Variants in TMPRSS11A observed in about 807,000 individuals in gnomAD.
TMPRSS11A encodes the protein transmembrane serine protease 11A.
Under a neutral mutation model 58.9 loss-of-function variants are expected in TMPRSS11A, and 53 were observed. The ratio of observed to expected loss-of-function variants is 0.90; its 90% confidence interval spans 0.72 to 1.13. TMPRSS11A has a LOEUF of 1.13. Ranked by LOEUF, TMPRSS11A falls within the 50% of genes most tolerant of loss-of-function variation. The probability of loss-of-function intolerance (pLI) is 0.00; values close to 1 mark genes in which losing one functional copy is unlikely to be tolerated. For synonymous variants in TMPRSS11A, 167 were observed against 169.8 expected (o/e 0.98, Z 0.13); for missense variants, 493 against 499.3 (o/e 0.99, Z 0.12).
At chr4:67,960,419 C>A (rs534074617) in intron 1 of TMPRSS11A, among the ~76,000 whole-genome samples, 138 of 152,276 alleles carry the variant, frequency 9.1e-4, no homozygotes, top group African/African-American at 2.8e-3. Context: ...GAAATTCCAG[C>A]TCCTTCACTT....
chr4:67,919,274 C>T (rs901551464), intron 7 of TMPRSS11A, 42 bp from the exon 8 acceptor site: 78 of 1,576,614 alleles, frequency 4.9e-5, no homozygotes, highest in Non-Finnish European at 6.4e-5. Flanking sequence ...ATAAGCTGCC[C>T]AAAGTATATG....
At chr4:67,926,744 A>G (rs575054209) in intron 5 of TMPRSS11A, among the ~76,000 whole-genome samples, 1 of 152,216 alleles carries the variant, frequency 6.6e-6, no homozygotes, top group African/African-American at 2.4e-5. Context: ...AGCTACCACA[A>G]TGGGGCTGGG....
chr4:67,940,322 G>T (rs1255687083), intron 3 of TMPRSS11A, among the ~76,000 whole-genome samples: 1 of 151,990 alleles, frequency 6.6e-6, no homozygotes, highest in Admixed American at 6.6e-5. Flanking sequence ...GCTATTTCTT[G>T]TACGTCTGGT....
intron 2 of TMPRSS11A, among the ~76,000 whole-genome samples, chr4:67,945,162 A>G (rs941599039): frequency 6.6e-6 from 1 of 152,174 alleles, no homozygotes; most frequent in African/African-American, 2.4e-5. Flanking sequence ...AAGTGTAGAG[A>G]AGAGCTGTCT....
intron 3 of TMPRSS11A, among the ~76,000 whole-genome samples, chr4:67,938,174 T>C (rs1281330485): frequency 6.6e-6 from 1 of 152,198 alleles, no homozygotes; most frequent in African/African-American, 2.4e-5. Context: ...CATTTGTTCA[T>C]ATGTTTCTTG....
At chr4:67,939,937 C>T (rs1375947515) in intron 3 of TMPRSS11A, among the ~76,000 whole-genome samples, 1 of 152,144 alleles carries the variant, frequency 6.6e-6, no homozygotes, top group Non-Finnish European at 1.5e-5. Flanking sequence ...AATTTGCCCA[C>T]CATGGTCTCC....
intron 1 of TMPRSS11A, among the ~76,000 whole-genome samples, chr4:67,956,056 C>T (rs1165801817): frequency 6.6e-6 from 1 of 152,086 alleles, no homozygotes. Context: ...GTTTATAAAA[C>T]CTCTCTAGTT....
intron 2 of TMPRSS11A, among the ~76,000 whole-genome samples, chr4:67,945,667 C>G (rs982885197): frequency 2.0e-5 from 3 of 152,150 alleles, no homozygotes; most frequent in African/African-American, 7.2e-5. Context: ...CTTTGCTCCC[C>G]CATTGACTCT....
At chr4:67,942,695 A>G (rs574594385) in intron 3 of TMPRSS11A, among the ~76,000 whole-genome samples, 1 of 152,164 alleles carries the variant, frequency 6.6e-6, no homozygotes, top group Admixed American at 6.6e-5. Flanking sequence ...CAAGTTAAGT[A>G]TATGTACATT....
intron 7 of TMPRSS11A, among the ~76,000 whole-genome samples, chr4:67,920,592 C>T (rs1720299214): frequency 6.9e-6 from 1 of 144,312 alleles, no homozygotes; most frequent in Non-Finnish European, 1.5e-5. Context: ...CATATATATA[C>T]ACACATATAT....
intron 8 of TMPRSS11A, among the ~76,000 whole-genome samples, chr4:67,916,251 A>G (rs188160818): frequency 6.6e-6 from 1 of 152,166 alleles, no homozygotes; most frequent in African/African-American, 2.4e-5. Context: ...TGGTAAGTAC[A>G]TGCAATTTTA....
intron 1 of TMPRSS11A, among the ~76,000 whole-genome samples, chr4:67,949,246 T>A (rs1721097939): frequency 6.6e-6 from 1 of 151,470 alleles, no homozygotes; most frequent in African/African-American, 2.4e-5. Context: ...TGAAAGGAAC[T>A]GAACCGTGGG....
At position 67,943,820 on chromosome 4, in the gene TMPRSS11A, G is replaced by A. The variant is rs556880182; in HGVS notation, c.252+699C>T. Among the ~76,000 whole-genome samples the A allele has an allele frequency of 7.2e-5, 11 of 152,212 alleles. No homozygotes were observed. In the South Asian group the frequency reaches 2.3e-3, roughly 32 times the overall value. Reference sequence around the variant, plus strand: ...TTGGGAAAGAAAGTGTCTTAAAAATGGTTCTTTGATTAAAACAAACCAATA... The same window carrying A: ...TTGGGAAAGAAAGTGTCTTAAAAATAGTTCTTTGATTAAAACAAACCAATA... On this transcript the variant is annotated intron_variant, in intron 3 of 9. Coordinates refer to ENST00000508048, the MANE Select transcript of TMPRSS11A (RefSeq NM_001114387.2).
intron 1 of TMPRSS11A, among the ~76,000 whole-genome samples, chr4:67,961,482 C>CTTTTTTTTTTTTTTTTTTTTT (rs1721418705): frequency 9.8e-6 from 1 of 102,454 alleles, no homozygotes; most frequent in African/African-American, 4.8e-5. Context: ...CTTTTCTTTT[C>CTTTTTTTTTTTTTTTTTTTTT]CTTTTTTTTT....
At chr4:67,915,687 C>G (rs1307282018) in intron 8 of TMPRSS11A, among the ~76,000 whole-genome samples, 1 of 152,180 alleles carries the variant, frequency 6.6e-6, no homozygotes, top group South Asian at 2.1e-4. Context: ...GTTAAAGCAG[C>G]AAGCTGGCAT....
intron 1 of TMPRSS11A, among the ~76,000 whole-genome samples, chr4:67,952,232 A>C (rs1259362308): frequency 6.6e-6 from 1 of 152,210 alleles, no homozygotes; most frequent in Non-Finnish European, 1.5e-5. Context: ...AACTTGCTCA[A>C]TTCATGCAGC....
intron 6 of TMPRSS11A, among the ~76,000 whole-genome samples, chr4:67,923,795 TC>T (rs1164537612): frequency 1.3e-5 from 2 of 152,228 alleles, no homozygotes; most frequent in African/African-American, 2.4e-5. Context: ...TTTATGTCCT[TC>T]CTATTGATTA....
At chr4:67,954,243 T>C (rs528171842) in intron 1 of TMPRSS11A, among the ~76,000 whole-genome samples, 1 of 152,184 alleles carries the variant, frequency 6.6e-6, no homozygotes, top group Non-Finnish European at 1.5e-5. Flanking sequence ...ACTCAGGAGA[T>C]TGAGGCTGAA....
At chr4:67,919,508 T>C (rs1720261291) in intron 7 of TMPRSS11A, among the ~76,000 whole-genome samples, 1 of 152,184 alleles carries the variant, frequency 6.6e-6, no homozygotes, top group African/African-American at 2.4e-5. Context: ...TCCACAAATA[T>C]TTACTGAGCA....
Sources: allele counts gnomAD v4.1 joint callset (sites outside exome capture counted in the v4.1 genomes callset), GRCh38; gene constraint gnomAD v4.1.1; transcripts MANE v1.5; gene names NCBI Gene and HGNC (gene_info 2026-07-23, HGNC 2026-07-21).